Variants in PCDHGA12 observed in about 807,000 individuals in gnomAD.
PCDHGA12 encodes protocadherin gamma subfamily A, 12, also known as protocadherin gamma-A12.
A neutral mutation model predicts 61.1 loss-of-function variants in PCDHGA12; 43 were observed. The ratio of observed to expected loss-of-function variants is 0.70; its 90% CI spans 0.55 to 0.91. The LOEUF (loss-of-function observed/expected upper bound fraction) is 0.91, where lower values mean the gene tolerates loss of function less well. Among genes scored for constraint, PCDHGA12 ranks in the 40% least tolerant of loss-of-function variants. The pLI is 0.00. For missense variants in PCDHGA12, 1,236 were observed against 1,227.7 expected (o/e 1.01, Z -0.10); for synonymous variants, 520 against 542.9 (o/e 0.96, Z 0.59).
At chr5:141,502,512 T>C (rs1029375922) in intron 2 of PCDHGA12, among the ~76,000 whole-genome samples, 2 of 152,212 alleles carry the variant, frequency 1.3e-5, no homozygotes, top group East Asian at 1.9e-4. Context: ...CCTGTCCCAC[T>C]ATCAGTGATG....
Position 141,486,484 on chromosome 5 carries a change from C to A in PCDHGA12, c.2425-8323C>A. On this transcript the variant is annotated intron_variant, in intron 1 of 3. Transcript: ENST00000252085. This position sits in a 1 kb window ranked among gnomAD's most constrained non-coding sequence, Gnocchi z 5.0. ...ATGCTGGGAACCCTCCTCTCAGTAC[C>A]CACAGAACTATTTTCCTCAATATTT... is the stretch of plus-strand genomic sequence containing the variant. 5 of 1,614,102 alleles carry A rather than the reference C, an allele frequency of 3.1e-6. No homozygotes were observed. Among genetic ancestry groups the A allele is most frequent in the Non-Finnish European group, 4.2e-6 (5 of 1,179,930 alleles).
chr5:141,508,714 G>A (rs775462794), intron 3 of PCDHGA12, among the ~76,000 whole-genome samples: 16 of 151,880 alleles, frequency 1.1e-4, no homozygotes, highest in Admixed American at 2.0e-4. Context: ...ATTCTTTTCT[G>A]TGTGCAGGGA....
Position 141,485,795 on chromosome 5 carries a change from T to G in PCDHGA12, c.2425-9012T>G, listed in dbSNP as rs1225630684. On this transcript the variant is annotated intron_variant, in intron 1 of 3. Coordinates refer to ENST00000252085, the MANE Select transcript of PCDHGA12 (RefSeq NM_003735.3). The surrounding 1 kb of genome is among the most constrained non-coding windows in gnomAD (Gnocchi z 5.7). ...TTTGGATCGAGAGAAGCAATCGGAC[T>G]ACCGCCTGGTGCTGACTGCTGTCGA... 16 of 1,614,092 alleles carry G rather than the reference T, an allele frequency of 9.9e-6. No individual in the cohort carries two copies. The highest frequency in any genetic ancestry group is 1.1e-5 in the Non-Finnish European group (13 of 1,180,046).
chr5:141,478,678 C>T (rs3805695), intron 1 of PCDHGA12: 273,671 of 1,551,084 alleles, frequency 0.18, 26,385 homozygotes, highest in African/African-American at 0.39. Context: ...TTCAACTGGC[C>T]CTTCCTAGAT....
At chr5:141,458,651 C>T (rs924873907) in intron 1 of PCDHGA12, among the ~76,000 whole-genome samples, 1 of 152,114 alleles carries the variant, frequency 6.6e-6, no homozygotes. Context: ...CTCACTGCAA[C>T]CTCCACCTCT....
Position 141,490,177 on chromosome 5 carries a change from T to C in PCDHGA12, c.2425-4630T>C, listed in dbSNP as rs780298274. 12 of 1,613,622 alleles carry C rather than the reference T, an allele frequency of 7.4e-6. No individual in the cohort carries two copies. The highest frequency in any genetic ancestry group is 1.0e-5 in the Non-Finnish European group (12 of 1,179,932). On this transcript the variant is annotated intron_variant, in intron 1 of 3. Transcript: ENST00000252085. This position sits in a 1 kb window ranked among gnomAD's most constrained non-coding sequence, Gnocchi z 5.4. The stretch of plus-strand genomic sequence containing the variant: ...GTTGGGTCCCATAGACTTTGAGGAG[T>C]CACGTTTCTATGAAATTCATGCAAG...
intron 2 of PCDHGA12, among the ~76,000 whole-genome samples, chr5:141,501,331 ACACC>A (rs747366952): frequency 1.4e-5 from 2 of 138,844 alleles, no homozygotes; most frequent in Non-Finnish European, 3.2e-5. Context: ...ACACACACAC[ACACC>A]CCAAACTCAA....
intron 1 of PCDHGA12, among the ~76,000 whole-genome samples, chr5:141,456,866 G>A (rs2098893781): frequency 6.6e-6 from 1 of 152,170 alleles, no homozygotes; most frequent in African/African-American, 2.4e-5. Flanking sequence ...GGGAGGCTGA[G>A]GCAGGAGAAT....
At chr5:141,433,640 A>C (rs2097637476) in intron 1 of PCDHGA12, among the ~76,000 whole-genome samples, 2 of 152,138 alleles carry the variant, frequency 1.3e-5, no homozygotes, top group South Asian at 2.1e-4. Flanking sequence ...GTTTGAGACC[A>C]GCCTGACCAA....
Position 141,432,388 on chromosome 5 carries a change from C to T in PCDHGA12, c.1629C>T (p.Ser543=). The T allele has an allele frequency of 6.2e-7, 1 of 1,614,258 alleles. No homozygotes were observed. The highest frequency in any genetic ancestry group is 2.2e-5 in the East Asian group (1 of 44,892). ...MARDNGHPPL[S]SNVSLSLFVL... The stretch of plus-strand genomic sequence containing the variant: ...GGGACAACGGGCACCCGCCCCTCAG[C>T]AGCAACGTGTCGTTGAGCCTGTTCG... The change falls in exon 1 of 4, where the codon AGC becomes AGT. Residue 543 remains serine, a synonymous_variant. Transcript: ENST00000252085. This position sits in a 1 kb window ranked among gnomAD's most constrained non-coding sequence, Gnocchi z 6.0.
intron 1 of PCDHGA12, chr5:141,441,867 GCCTGGCTA>G (rs2098280856): frequency 1.2e-5 from 4 of 345,682 alleles, no homozygotes; most frequent in Non-Finnish European, 2.3e-5. Flanking sequence ...ACGCCGCGGA[GCCTGGCTA>G]CCTGGTCACC....
Position 141,486,672 on chromosome 5 carries a change from G to A in PCDHGA12, c.2425-8135G>A. The A allele has an allele frequency of 5.0e-6, 8 of 1,614,000 alleles. No homozygotes were observed. Among genetic ancestry groups the A allele is most frequent in the Non-Finnish European group, 5.9e-6 (7 of 1,180,028 alleles). On this transcript the variant is annotated intron_variant, in intron 1 of 3. Coordinates refer to ENST00000252085, the MANE Select transcript of PCDHGA12 (RefSeq NM_003735.3). This position sits in a 1 kb window ranked among gnomAD's most constrained non-coding sequence, Gnocchi z 5.0. Reference sequence around the variant, plus strand: ...TACTCACTCCTGGAGCCCAGGAATCGAGATGTATCAGCTTCCTCTTTCATC... The same window carrying A: ...TACTCACTCCTGGAGCCCAGGAATCAAGATGTATCAGCTTCCTCTTTCATC...
chr5:141,477,901 C>T lies in PCDHGA12; in HGVS notation c.2425-16906C>T, dbSNP rs2099423750. ...GCCACCTAGTGTCACGGGTGGTAGG[C>T]TGGGACGCGGATGCAGGGCACAATG... On this transcript the variant is annotated intron_variant, in intron 1 of 3. Transcript: ENST00000252085. The surrounding 1 kb of genome is among the most constrained non-coding windows in gnomAD (Gnocchi z 4.9). The T allele has an allele frequency of 1.9e-6, 3 of 1,614,188 alleles. No homozygotes were observed. The highest frequency in any genetic ancestry group is 2.5e-6 in the Non-Finnish European group (3 of 1,180,042).
At position 141,476,903 on chromosome 5, in the gene PCDHGA12, G is replaced by C; in HGVS notation, c.2425-17904G>C. On this transcript the variant is annotated intron_variant, in intron 1 of 3. Transcript: ENST00000252085. The surrounding 1 kb of genome is among the most constrained non-coding windows in gnomAD (Gnocchi z 7.6). Reference sequence around the variant, plus strand: ...GGAGGATGCACCCTCCGGCACGCGCGTGGTACAAGTCCTTGCAACGGATCT... The same window carrying C: ...GGAGGATGCACCCTCCGGCACGCGCCTGGTACAAGTCCTTGCAACGGATCT... The C allele has an allele frequency of 1.2e-6, 2 of 1,614,018 alleles. No individual in the cohort carries two copies. Among genetic ancestry groups the C allele is most frequent in the Non-Finnish European group, 1.7e-6 (2 of 1,180,044 alleles).
chr5:141,488,054 A>G (rs1255295788), intron 1 of PCDHGA12, among the ~76,000 whole-genome samples: 1 of 152,206 alleles, frequency 6.6e-6, no homozygotes, highest in Admixed American at 6.5e-5. Flanking sequence ...TTGAGGGGAA[A>G]TAAAATCTTT....
chr5:141,437,638 A>G (rs192433359), intron 1 of PCDHGA12, among the ~76,000 whole-genome samples: 1 of 152,250 alleles, frequency 6.6e-6, no homozygotes, highest in Admixed American at 6.5e-5. Context: ...TGTCAGGTTC[A>G]GAAAAGCAAA....
chr5:141,439,773 C>G (rs1323463060), intron 1 of PCDHGA12: 2 of 152,344 alleles, frequency 1.3e-5, no homozygotes, highest in East Asian at 3.9e-4. Flanking sequence ...TCCTTCTTGG[C>G]TGGAGATTCT....
intron 1 of PCDHGA12, among the ~76,000 whole-genome samples, chr5:141,449,708 A>G (rs2098652470): frequency 6.6e-6 from 1 of 151,418 alleles, no homozygotes; most frequent in African/African-American, 2.4e-5. Context: ...CAAACACATT[A>G]TTTTTATATG....
At position 141,432,587 on chromosome 5, in the gene PCDHGA12, A is replaced by G. The variant is rs1344597432; in HGVS notation, c.1828A>G (p.Lys610Glu). 5 of 1,613,132 alleles carry G rather than the reference A, an allele frequency of 3.1e-6. No homozygotes were observed. In the East Asian group the frequency reaches 8.9e-5, roughly 29 times the overall value. ...CGCCTGGCTGTCCTACCGTCTGCTC[A>G]AGGCCAGCGAGCCGGGACTCTTCTC... Reference protein sequence around the residue: ...QNAWLSYRLLKASEPGLFSVG... With the variant: ...QNAWLSYRLLEASEPGLFSVG... Residue 610 changes from lysine (K) to glutamate (E), a missense_variant, in exon 1 of 4, where the codon AAG (lysine) becomes GAG (glutamate). By Grantham distance (56) the Lys-to-Glu change is moderately conservative (BLOSUM62 1). Transcript: ENST00000252085. This position sits in a 1 kb window ranked among gnomAD's most constrained non-coding sequence, Gnocchi z 6.0.
Sources: allele counts gnomAD v4.1 joint callset (sites outside exome capture counted in the v4.1 genomes callset), GRCh38; gene constraint gnomAD v4.1.1; non-coding constraint Gnocchi (gnomAD v3.1); transcripts MANE v1.5; gene names NCBI Gene and HGNC (gene_info 2026-07-23, HGNC 2026-07-21).